Variants in FEM1C observed in about 807,000 individuals in gnomAD.
The protein encoded by FEM1C is fem-1 homolog C.
Under a neutral mutation model 37.6 loss-of-function variants are expected in FEM1C, and 15 were observed. That is an observed-to-expected ratio of 0.40 (90% CI 0.27 to 0.61). The LOEUF is 0.61. FEM1C is among the 20% of genes least tolerant of loss of function. FEM1C has a pLI of 0.42. For missense variants in FEM1C, 532 were observed against 749.7 expected, an observed-to-expected ratio of 0.71 and a Z score of 3.39; for synonymous variants, 287 against 272.8, an observed-to-expected ratio of 1.05 and a Z score of -0.51.
chr5:115,541,316 G>A (rs1754236471), intron 2 of FEM1C, among the ~76,000 whole-genome samples: 1 of 151,692 alleles, frequency 6.6e-6, no homozygotes. Context: ...GGATTTTGTG[G>A]GATTTTTACA....
chr5:115,527,161 T>C (rs1298522924), intron 2 of FEM1C, among the ~76,000 whole-genome samples: 1 of 152,142 alleles, frequency 6.6e-6, no homozygotes, highest in Non-Finnish European at 1.5e-5. Flanking sequence ...CTTATGACAT[T>C]ACAGTAATAA....
rs1754089349 is a variant in FEM1C, at chr5:115,534,776, A to G, written c.544+8174T>C. Among the ~76,000 whole-genome samples the G allele has an allele frequency of 2.0e-5, 3 of 151,982 alleles. No homozygotes were observed. In the South Asian group the frequency reaches 6.2e-4, roughly 31 times the overall value. Reference sequence around the variant, plus strand: ...ATAAAGCTGTGCTTCTCAAACTTTCATGTATAAAATCACCAGAGAATCATA... The same window carrying G: ...ATAAAGCTGTGCTTCTCAAACTTTCGTGTATAAAATCACCAGAGAATCATA... On this transcript the variant is annotated intron_variant, in intron 2 of 2. Coordinates refer to ENST00000274457, the MANE Select transcript of FEM1C (RefSeq NM_020177.3).
chr5:115,525,274 A>G lies in FEM1C; in HGVS notation c.888T>C (p.Tyr296=), dbSNP rs752945818. Residue 296 remains tyrosine, a synonymous_variant, in exon 3 of 3, where the codon TAT becomes TAC. Coordinates refer to ENST00000274457, the MANE Select transcript of FEM1C (RefSeq NM_020177.3). ...CACTGTTCACTTCCTTGGCATAATC[A>G]TAAGCCATTATTAGTGTCTGTGGCA... is the stretch of plus-strand genomic sequence containing the variant. ...KPVPQTLIMA[Y]DYAKEVNSAE... 6.2e-7 allele frequency: 1 copy of G among 1,613,750 alleles called. No homozygotes were observed. The highest frequency in any genetic ancestry group is 8.5e-7 in the Non-Finnish European group (1 of 1,179,834).
At chr5:115,538,771 T>C (rs775467643) in intron 2 of FEM1C, among the ~76,000 whole-genome samples, 4 of 151,990 alleles carry the variant, frequency 2.6e-5, no homozygotes, top group Admixed American at 6.6e-5. Flanking sequence ...TTCCAATTCC[T>C]GGACCCTCCA....
chr5:115,544,179 T>C (rs1329288788), intron 1 of FEM1C: 1 of 985,232 alleles, frequency 1.0e-6, no homozygotes, highest in Non-Finnish European at 1.2e-6. Flanking sequence ...AAAGATTCTC[T>C]TTCCTTTAAA....
chr5:115,538,632 A>C (rs1754178517), intron 2 of FEM1C, among the ~76,000 whole-genome samples: 1 of 151,296 alleles, frequency 6.6e-6, no homozygotes, highest in Non-Finnish European at 1.5e-5. Context: ...GCAAACAAAC[A>C]AACCACTCCA....
intron 2 of FEM1C, among the ~76,000 whole-genome samples, chr5:115,535,920 GA>G (rs1283316999): frequency 6.6e-6 from 1 of 152,004 alleles, no homozygotes; most frequent in Non-Finnish European, 1.5e-5. Flanking sequence ...CTACAAAATG[GA>G]TGAACCTTGA....
chr5:115,529,949 A>G (rs1479685051), intron 2 of FEM1C, among the ~76,000 whole-genome samples: 1 of 152,072 alleles, frequency 6.6e-6, no homozygotes, highest in Non-Finnish European at 1.5e-5. Flanking sequence ...GGCAGGACAA[A>G]TAAAAATCAG....
intron 2 of FEM1C, 128 bp downstream of exon 2, chr5:115,542,822 T>G (rs541854208): frequency 9.1e-7 from 1 of 1,093,324 alleles, no homozygotes; most frequent in African/African-American, 1.6e-5. Context: ...AAAGTCATAC[T>G]GGAAGACTTA....
Position 115,524,347 on chromosome 5 carries a change from G to A in FEM1C, c.1815C>T (p.Ile605=). 1 of 1,613,254 alleles carries A rather than the reference G, an allele frequency of 6.2e-7. No homozygotes were observed. Among genetic ancestry groups the A allele is most frequent in the Non-Finnish European group, 8.5e-7 (1 of 1,179,570 alleles). The stretch of plus-strand genomic sequence containing the variant: ...AAACAAAAGTCTCTAGCTTTTCTGG[G>A]ATATGCCCTTTATAATATATTCTAT... ...VNHRIYYKGH[I]PEKLETFVSL... is the part of the protein sequence containing the mutation. The change falls in exon 3 of 3, where the codon ATC becomes ATT. Residue 605 remains isoleucine, a synonymous_variant. Transcript: ENST00000274457.
Position 115,524,931 on chromosome 5 carries a change from G to A in FEM1C, c.1231C>T (p.Leu411Phe), listed in dbSNP as rs1369797509. ...LLGTTVTFDD[L>F]MGILCKSVLE... ...ACGCTTTTGCAAAGTATGCCCATAAGATCATCAAATGTAACAGTAGTACCC... is the reference window on the plus strand; with the variant it reads ...ACGCTTTTGCAAAGTATGCCCATAAAATCATCAAATGTAACAGTAGTACCC... The change falls in exon 3 of 3, where the codon CTT (leucine) becomes TTT (phenylalanine). Residue 411 changes from leucine (L) to phenylalanine (F), a missense_variant. Leu to Phe is a conservative substitution (Grantham distance 22, BLOSUM62 0). This residue lies in a region of FEM1C where 237 missense variants were observed against 260.5 expected (regional missense o/e 0.91). Transcript: ENST00000274457. The A allele has an allele frequency of 6.2e-7, 1 of 1,613,756 alleles. No homozygotes were observed. The highest frequency in any genetic ancestry group is 1.7e-5 in the Admixed American group (1 of 59,920).
At chr5:115,532,048 T>C (rs1754026383) in intron 2 of FEM1C, among the ~76,000 whole-genome samples, 1 of 152,176 alleles carries the variant, frequency 6.6e-6, no homozygotes, top group Admixed American at 6.6e-5. Flanking sequence ...TTTTAACTTC[T>C]TGTCCTTCAA....
chr5:115,544,214 C>T (rs1754306578), intron 1 of FEM1C: 1 of 981,012 alleles, frequency 1.0e-6, no homozygotes, highest in Admixed American at 6.2e-5. Flanking sequence ...TCAGGAAATC[C>T]GCCTGCCTTT....
At chr5:115,525,811 TA>T in intron 2 of FEM1C, among the ~76,000 whole-genome samples, 194 bp from the exon 3 acceptor site, 1 of 152,220 alleles carries the variant, frequency 6.6e-6, no homozygotes, top group Middle Eastern at 3.4e-3. Context: ...ACTTATTGAA[TA>T]AATGACATGA....
At chr5:115,536,899 T>C (rs542424169) in intron 2 of FEM1C, among the ~76,000 whole-genome samples, 2 of 152,086 alleles carry the variant, frequency 1.3e-5, no homozygotes, top group South Asian at 2.1e-4. Flanking sequence ...AGATGAAGAA[T>C]TGCATTTGAA....
rs540022843 is a variant in FEM1C, at chr5:115,543,082, G to T, written c.412C>A (p.His138Asn). ...TTTGACACTTCCAAATCAGCTTTGT[G>T]TTCTACAAGGTACTTCACTATTTCC... is the stretch of plus-strand genomic sequence containing the variant. ...HLEIVKYLVE[H>N]KADLEVSNRH... The change falls in exon 2 of 3, where the codon CAC (histidine) becomes AAC (asparagine). Residue 138 changes from histidine (H) to asparagine (N), a missense_variant. This residue lies in a region of FEM1C where 221 missense variants were observed against 404.1 expected (regional missense o/e 0.55). Coordinates refer to ENST00000274457, the MANE Select transcript of FEM1C (RefSeq NM_020177.3). The T allele has an allele frequency of 1.9e-6, 3 of 1,614,192 alleles. No individual in the cohort carries two copies. In the South Asian group the frequency reaches 3.3e-5, roughly 18 times the overall value.
intron 2 of FEM1C, among the ~76,000 whole-genome samples, chr5:115,535,770 A>C (rs576780364): frequency 6.6e-6 from 1 of 152,156 alleles, no homozygotes; most frequent in East Asian, 1.9e-4. Context: ...ATGAAAACAT[A>C]TATCCACAGA....
At chr5:115,538,470 C>T (rs1039981161) in intron 2 of FEM1C, among the ~76,000 whole-genome samples, 12 of 152,032 alleles carry the variant, frequency 7.9e-5, no homozygotes, top group African/African-American at 2.9e-4. Flanking sequence ...AACATGTCCA[C>T]TCAACAAGCT....
At chr5:115,531,707 T>C (rs891549170) in intron 2 of FEM1C, among the ~76,000 whole-genome samples, 4 of 152,148 alleles carry the variant, frequency 2.6e-5, no homozygotes, top group African/African-American at 9.7e-5. Flanking sequence ...ACTTTTACTT[T>C]TGTACTCTAA....
Sources: allele counts gnomAD v4.1 joint callset (sites outside exome capture counted in the v4.1 genomes callset), GRCh38; gene constraint gnomAD v4.1.1; regional missense constraint gnomAD v4.1.1; transcripts MANE v1.5; gene names NCBI Gene and HGNC (gene_info 2026-07-23, HGNC 2026-07-21).